PDE4B: variants seen among roughly 807,000 people sequenced by gnomAD.
PDE4B encodes phosphodiesterase 4B, also known as 3',5'-cyclic-AMP phosphodiesterase 4B.
In PDE4B, 20 loss-of-function variants were observed where a neutral mutation model predicts 82.2. The observed-to-expected ratio is 0.24, with a 90% CI of 0.17 to 0.35. The LOEUF is 0.35. Among genes scored for constraint, PDE4B ranks in the 10% least tolerant of loss-of-function variants. PDE4B has a pLI of 1.00. For synonymous variants in PDE4B, 320 were observed against 318.9 expected (o/e 1.00, Z -0.04); for missense variants, 655 against 907.2 (o/e 0.72, Z 3.57).
intron 3 of PDE4B, among the ~76,000 whole-genome samples, chr1:66,152,798 T>C (rs1205400704): frequency 6.6e-6 from 1 of 151,882 alleles, no homozygotes; most frequent in Non-Finnish European, 1.5e-5. Context: ...CTGAAATTAA[T>C]AGGTTAGGCT....
chr1:66,024,668 A>C (rs190742350), intron 3 of PDE4B, among the ~76,000 whole-genome samples: 3 of 152,158 alleles, frequency 2.0e-5, no homozygotes, highest in Non-Finnish European at 4.4e-5. Flanking sequence ...ACTGTCTTCT[A>C]TGAGAAGGCA....
intron 1 of PDE4B, among the ~76,000 whole-genome samples, chr1:65,837,012 T>G (rs1313204192): frequency 6.6e-6 from 1 of 152,086 alleles, no homozygotes; most frequent in East Asian, 1.9e-4. Flanking sequence ...CTGAGTATAA[T>G]TTGCTCATAA....
intron 1 of PDE4B, among the ~76,000 whole-genome samples, chr1:65,814,574 G>A (rs1182165605): frequency 1.3e-5 from 2 of 152,102 alleles, no homozygotes; most frequent in East Asian, 1.9e-4. Flanking sequence ...CATTACTCTC[G>A]AAAGTTTCCT....
At chr1:66,059,801 G>T (rs4394620) in intron 3 of PDE4B, among the ~76,000 whole-genome samples, 9,100 of 152,120 alleles carry the variant, frequency 0.06, 484 homozygotes, top group East Asian at 0.26. Flanking sequence ...ATATATTCAG[G>T]TATCTTAATA....
chr1:66,091,245 G>A (rs1442556970), intron 3 of PDE4B, among the ~76,000 whole-genome samples: 1 of 152,028 alleles, frequency 6.6e-6, no homozygotes, highest in Non-Finnish European at 1.5e-5. Context: ...GCCTACTGCG[G>A]TGATCTTCAT....
At position 66,124,414 on chromosome 1, in the gene PDE4B, A is replaced by G. The variant is rs1645776745; in HGVS notation, c.282-123046A>G. 2.0e-5 allele frequency among the ~76,000 whole-genome samples: 3 copies of G among 152,212 alleles called. No individual in the cohort carries two copies. In the South Asian group the frequency reaches 6.2e-4, roughly 32 times the overall value. On this transcript the variant is annotated intron_variant, in intron 3 of 16. Coordinates refer to ENST00000341517, the MANE Select transcript of PDE4B (RefSeq NM_002600.4). ...TTGCTTATAAATTATTCAATTGGACACTTTGAAAAGAGTCTGCAGTGCTCC... is the reference window on the plus strand; with the variant it reads ...TTGCTTATAAATTATTCAATTGGACGCTTTGAAAAGAGTCTGCAGTGCTCC...
intron 3 of PDE4B, among the ~76,000 whole-genome samples, chr1:65,924,227 A>C (rs1357186471): frequency 6.9e-6 from 1 of 145,822 alleles, no homozygotes; most frequent in South Asian, 2.2e-4. Context: ...GGCGCCCGCC[A>C]CTACGCCCGG....
At chr1:65,920,472 G>A (rs1647216528) in intron 3 of PDE4B, among the ~76,000 whole-genome samples, 1 of 152,178 alleles carries the variant, frequency 6.6e-6, no homozygotes, top group African/African-American at 2.4e-5. Context: ...AAGACATTTT[G>A]GGAGTTGTAG....
At chr1:65,945,384 A>G (rs1223776784) in intron 3 of PDE4B, among the ~76,000 whole-genome samples, 1 of 151,934 alleles carries the variant, frequency 6.6e-6, no homozygotes, top group Non-Finnish European at 1.5e-5. Context: ...TTTGGTTGTC[A>G]TATGCTTTGA....
At chr1:66,325,128 C>T (rs1029019496) in intron 7 of PDE4B, among the ~76,000 whole-genome samples, 7 of 152,008 alleles carry the variant, frequency 4.6e-5, no homozygotes, top group African/African-American at 1.2e-4. Context: ...GGGAAGGAAC[C>T]GAAGAATGGA....
chr1:66,265,047 G>T (rs554325764), intron 6 of PDE4B, among the ~76,000 whole-genome samples: 1 of 152,322 alleles, frequency 6.6e-6, no homozygotes, highest in South Asian at 2.1e-4. Context: ...CTCCTTAGTG[G>T]AGCAGAGAAT....
rs1380969087 is a variant in PDE4B at position 66,355,546 on chromosome 1, G to A, written c.767G>A (p.Arg256Gln). ...AAACAGTTCAAAAGAATGCTGAACCGGGAGCTGACACACCTCTCAGAGATG... is the reference window on the plus strand; with the variant it reads ...AAACAGTTCAAAAGAATGCTGAACCAGGAGCTGACACACCTCTCAGAGATG... ...ASNKFKRMLN[R>Q]ELTHLSEMSR... is the part of the protein sequence containing the mutation. Residue 256 changes from arginine to glutamine, a missense_variant, in exon 9 of 17, where the codon CGG (arginine) becomes CAG (glutamine). Physicochemically the swap from Arg to Gln is conservative, Grantham distance 43. Transcript: ENST00000341517. 5.0e-6 allele frequency: 8 copies of A among 1,611,070 alleles called. No individual in the cohort carries two copies. In the African/African-American group the frequency reaches 5.3e-5, roughly 11 times the overall value.
Position 65,848,639 on chromosome 1 carries a change from A to G in PDE4B, c.-71+55391A>G, listed in dbSNP as rs1216168923. ...TAAAGTTTCATATAAATGGAATAAT[A>G]TATACTCTTTTGTGGCTGGCCTTTC... On this transcript the variant is annotated intron_variant, in intron 1 of 16. Transcript: ENST00000341517. Among the ~76,000 whole-genome samples the G allele has an allele frequency of 3.3e-5, 5 of 152,300 alleles. No homozygotes were observed. In the East Asian group the frequency reaches 9.6e-4, roughly 29 times the overall value.
At chr1:66,186,471 G>C (rs1191474178) in intron 3 of PDE4B, among the ~76,000 whole-genome samples, 3 of 152,172 alleles carry the variant, frequency 2.0e-5, no homozygotes, top group African/African-American at 7.2e-5. Flanking sequence ...CCATGAGCAT[G>C]GAATGTTCTT....
chr1:66,008,996 A>T (rs1010330189), intron 3 of PDE4B, among the ~76,000 whole-genome samples: 1 of 152,162 alleles, frequency 6.6e-6, no homozygotes, highest in African/African-American at 2.4e-5. Flanking sequence ...CTCTAGCCAG[A>T]CTTTTCCTCT....
intron 3 of PDE4B, among the ~76,000 whole-genome samples, chr1:65,930,366 A>T (rs751022522): frequency 2.0e-5 from 3 of 152,228 alleles, no homozygotes; most frequent in Non-Finnish European, 4.4e-5. Flanking sequence ...ACTCAGTATT[A>T]ACCATCACAG....
rs34263724 is a variant in PDE4B at position 65,887,414 on chromosome 1, G to GTTTTTTTT, written c.-70-25814_-70-25807dup. ...TTTTCTTTCTTTTTCTTTTTCTTCT[G>GTTTTTTTT]TTTTTTTTTTTTTTTTTTTTTTTTA... On this transcript the variant is annotated intron_variant, in intron 1 of 16. Transcript: ENST00000341517. Among the ~76,000 whole-genome samples the GTTTTTTTT allele has an allele frequency of 7.8e-4, 6 of 7,734 alleles. 2 individuals are homozygous for GTTTTTTTT. Among genetic ancestry groups the GTTTTTTTT allele is most frequent in the African/African-American group, 3.0e-3 (4 of 1,322 alleles). The allele number at this position is 7,734 out of a possible 152,430, so 5.1% of individuals were successfully genotyped here.
chr1:66,312,534 A>G (rs1424844024), intron 7 of PDE4B, among the ~76,000 whole-genome samples: 1 of 152,226 alleles, frequency 6.6e-6, no homozygotes, highest in Non-Finnish European at 1.5e-5. Flanking sequence ...AACACTTTCA[A>G]TTACATTGGG....
At chr1:66,111,345 A>T (rs982495056) in intron 3 of PDE4B, among the ~76,000 whole-genome samples, 1 of 152,118 alleles carries the variant, frequency 6.6e-6, no homozygotes, top group Non-Finnish European at 1.5e-5. Flanking sequence ...TTGGGCACCC[A>T]TCATGACCAT....
Sources: gnomAD v4.1 joint callset for allele counts (sites outside exome capture counted in the v4.1 genomes callset) on GRCh38, gnomAD v4.1.1 for gene constraint, MANE v1.5 for transcripts, NCBI Gene and HGNC (gene_info 2026-07-23, HGNC 2026-07-21) for gene names.